MYO1D: variants seen among roughly 807,000 people sequenced by gnomAD.
MYO1D encodes the protein unconventional myosin-Id.
Under a neutral mutation model 122.0 loss-of-function variants are expected in MYO1D, and 83 were observed. The observed-to-expected ratio is 0.68, with a 90% CI of 0.57 to 0.82. The LOEUF (loss-of-function observed/expected upper bound fraction) is 0.82. Ranked by LOEUF, MYO1D falls within the 40% of genes least tolerant of loss-of-function variation. The probability of loss-of-function intolerance (pLI) is 0.00; values close to 1 mark genes in which losing one functional copy is unlikely to be tolerated. For synonymous variants in MYO1D, 464 were observed against 446.9 expected, an observed-to-expected ratio of 1.04 and a Z score of -0.48; for missense variants, 1,157 against 1,269.5, an observed-to-expected ratio of 0.91 and a Z score of 1.35.
At chr17:32,786,036 T>C (rs2090290142) in intron 1 of MYO1D, among the ~76,000 whole-genome samples, 2 of 152,316 alleles carry the variant, frequency 1.3e-5, no homozygotes, top group East Asian at 1.9e-4. Flanking sequence ...CTAGACCTAG[T>C]TGAGGCAGGT....
chr17:32,725,238 G>C (rs2089557974), intron 14 of MYO1D, among the ~76,000 whole-genome samples: 1 of 152,152 alleles, frequency 6.6e-6, no homozygotes, highest in African/African-American at 2.4e-5. Context: ...GGTGAAGAAG[G>C]CCAGGTGTGG....
chr17:32,649,567 C>CTTTTTTTTTTTT (rs35514290), intron 19 of MYO1D, among the ~76,000 whole-genome samples: 5 of 94,044 alleles, frequency 5.3e-5, no homozygotes, highest in Non-Finnish European at 8.3e-5. Flanking sequence ...TTCTTTCTTT[C>CTTTTTTTTTTTT]TTTTTTTTTT....
chr17:32,548,868 C>T (rs754808478), intron 21 of MYO1D, among the ~76,000 whole-genome samples: 6 of 151,654 alleles, frequency 4.0e-5, no homozygotes, highest in East Asian at 1.9e-4. Flanking sequence ...TGTGCACCAC[C>T]GCGCCTAGCT....
intron 21 of MYO1D, among the ~76,000 whole-genome samples, chr17:32,527,877 C>T (rs1006360794): frequency 2.0e-5 from 3 of 146,368 alleles, no homozygotes; most frequent in Admixed American, 1.4e-4. Context: ...CTTGCTCTGT[C>T]GCCCAGGCTA....
At chr17:32,779,753 CAACACT>C (rs2090216222) in intron 2 of MYO1D, among the ~76,000 whole-genome samples, 1 of 152,056 alleles carries the variant, frequency 6.6e-6, no homozygotes, top group South Asian at 2.1e-4. Context: ...TTTCTAACTC[CAACACT>C]AAGTTACTTA....
chr17:32,599,049 G>T (rs1211499193), intron 21 of MYO1D, among the ~76,000 whole-genome samples: 2 of 152,120 alleles, frequency 1.3e-5, no homozygotes, highest in Non-Finnish European at 2.9e-5. Flanking sequence ...CTTTAAATAA[G>T]ATAACCATGA....
chr17:32,822,554 G>A (rs1345257314), intron 1 of MYO1D, among the ~76,000 whole-genome samples: 8 of 118,852 alleles, frequency 6.7e-5, no homozygotes, highest in South Asian at 2.7e-4. Context: ...GGCGGCTCGG[G>A]ACGGGGCCCG....
intron 21 of MYO1D, chr17:32,529,644 G>A (rs183729704): frequency 6.6e-6 from 1 of 152,640 alleles, no homozygotes; most frequent in African/African-American, 2.4e-5. Flanking sequence ...GGACATATGT[G>A]GGTGGGCAGG....
At chr17:32,662,462 G>A (rs780644406) in intron 16 of MYO1D, among the ~76,000 whole-genome samples, 24 of 152,246 alleles carry the variant, frequency 1.6e-4, no homozygotes, top group South Asian at 2.1e-4. Flanking sequence ...CACAAGGTCA[G>A]GAGTTCCAGA....
chr17:32,514,239 C>CAAAAAAA (rs61570449), intron 21 of MYO1D, among the ~76,000 whole-genome samples: 5 of 60,286 alleles, frequency 8.3e-5, no homozygotes, highest in Non-Finnish European at 1.2e-4. Flanking sequence ...GACTTTGTCT[C>CAAAAAAA]AAAAAAAAAA....
intron 21 of MYO1D, among the ~76,000 whole-genome samples, chr17:32,511,517 A>ACTT (rs142530563): frequency 0.037 from 5,616 of 151,698 alleles, 333 homozygotes; most frequent in African/African-American, 0.13. Context: ...CCCCCCGCGA[A>ACTT]CTTCTCATCT....
chr17:32,612,329 C>T (rs1310452781), intron 20 of MYO1D, among the ~76,000 whole-genome samples: 1 of 152,046 alleles, frequency 6.6e-6, no homozygotes, highest in Non-Finnish European at 1.5e-5. Context: ...AAAAAACAGG[C>T]AAAACCGCAA....
intron 21 of MYO1D, chr17:32,496,281 A>G (rs1182105949): frequency 6.6e-6 from 1 of 152,144 alleles, no homozygotes; most frequent in Non-Finnish European, 1.5e-5. Flanking sequence ...GCAGGCCCCA[A>G]AGTTTCAGAG....
At chr17:32,548,068 C>T (rs533031263) in intron 21 of MYO1D, among the ~76,000 whole-genome samples, 1 of 152,202 alleles carries the variant, frequency 6.6e-6, no homozygotes, top group South Asian at 2.1e-4. Flanking sequence ...GCTATAGAAC[C>T]CTAAGCCCTT....
intron 21 of MYO1D, chr17:32,523,572 A>T (rs1173706031): frequency 2.6e-5 from 4 of 152,326 alleles, no homozygotes; most frequent in Middle Eastern, 3.4e-3. Flanking sequence ...GTCTCATGAC[A>T]AAACAGTGCC....
chr17:32,822,469 T>TGGGGGGC (rs944932681), intron 1 of MYO1D, among the ~76,000 whole-genome samples: 4 of 149,926 alleles, frequency 2.7e-5, no homozygotes, highest in Non-Finnish European at 6.0e-5. Flanking sequence ...CGGGCAGTGG[T>TGGGGGGC]GGGGGGCGGG....
At chr17:32,721,227 A>G in intron 14 of MYO1D, 38 bp from the exon 15 acceptor site, 1 of 1,597,428 alleles carries the variant, frequency 6.3e-7, no homozygotes, top group Non-Finnish European at 8.6e-7. Context: ...GTTTCACTGG[A>G]GAAAATTTCC....
intron 21 of MYO1D, among the ~76,000 whole-genome samples, chr17:32,554,793 C>T (rs2087053890): frequency 6.6e-6 from 1 of 152,102 alleles, no homozygotes; most frequent in Admixed American, 6.6e-5. Context: ...CACAGGTAGA[C>T]CCATGGCAGA....
intron 16 of MYO1D, among the ~76,000 whole-genome samples, chr17:32,692,045 T>C (rs1216129216): frequency 6.6e-6 from 1 of 152,206 alleles, no homozygotes; most frequent in Admixed American, 6.5e-5. Flanking sequence ...GAGGGACCTT[T>C]TGTATATTAA....
Sources: allele counts gnomAD v4.1 joint callset (sites outside exome capture counted in the v4.1 genomes callset), GRCh38; gene constraint gnomAD v4.1.1; transcripts MANE v1.5; gene names NCBI Gene and HGNC (gene_info 2026-07-23, HGNC 2026-07-21).